Variants in F12 observed in about 807,000 individuals in gnomAD.
F12 encodes the protein Hageman factor.
A neutral mutation model predicts 74.8 loss-of-function variants in F12; 70 were observed. The observed-to-expected ratio is 0.94, with a 90% CI of 0.77 to 1.14. F12 has a LOEUF of 1.14. Ranked by LOEUF, F12 falls within the 50% of genes most tolerant of loss-of-function variation. The pLI is 0.00. For synonymous variants in F12, 373 were observed against 356.4 expected (o/e 1.05, Z -0.52); for missense variants, 811 against 835.7 (o/e 0.97, Z 0.36).
rs1056024847 is a variant in F12 at position 177,403,299 on chromosome 5, C to T, written c.1486G>A (p.Glu496Lys). Residue 496 changes from glutamate (E) to lysine (K), a missense_variant, in exon 12 of 14, where the codon GAG (glutamate) becomes AAG (lysine). Coordinates refer to ENST00000253496, the MANE Select transcript of F12 (RefSeq NM_000505.4). ...CCGGCCACCTGGCAGAGCGTGGTCT[C>T]GGAGGGTCGCGCGGCGCCGCTTGGC... ...CLPSGAARPS[E>K]TTLCQVAGWG... The T allele has an allele frequency of 6.3e-7, 1 of 1,599,882 alleles. No individual in the cohort carries two copies. Among genetic ancestry groups the T allele is most frequent in the Non-Finnish European group, 8.5e-7 (1 of 1,179,832 alleles).
At chr5:177,405,826 T>G (rs1375567046) in intron 3 of F12, 21 bp from the exon 4 acceptor site, 2 of 1,613,772 alleles carry the variant, frequency 1.2e-6, no homozygotes, top group Non-Finnish European at 1.7e-6. Flanking sequence ...AGACAAGGCT[T>G]CCCTGCTCTA....
chr5:177,402,956 C>T (rs1024053909), intron 12 of F12: 3 of 674,470 alleles, frequency 4.4e-6, no homozygotes, highest in Non-Finnish European at 4.9e-6. Context: ...AACCTGGCTC[C>T]CACACTAGCC....
Position 177,405,045 on chromosome 5 carries a change from T to C in F12, c.529+9A>G. The stretch of plus-strand genomic sequence containing the variant: ...CTCCTCCCTGGCCCGTTCCCAACCA[T>C]CTGCTCACCCTGGCTGGCCAGCCGC... On this transcript the variant is annotated intron_variant, in intron 6 of 13. Coordinates refer to ENST00000253496, the MANE Select transcript of F12 (RefSeq NM_000505.4). 1 of 1,611,466 alleles carries C rather than the reference T, an allele frequency of 6.2e-7. No homozygotes were observed. Among genetic ancestry groups the C allele is most frequent in the Non-Finnish European group, 8.5e-7 (1 of 1,179,872 alleles).
intron 12 of F12, 68 bp from the exon 13 acceptor site, chr5:177,402,766 C>T: frequency 6.3e-7 from 1 of 1,585,848 alleles, no homozygotes; most frequent in Non-Finnish European, 8.6e-7. Context: ...ATGGACAAAG[C>T]TGCTCCAGGC....
chr5:177,403,584 G>A lies in F12; in HGVS notation c.1284C>T (p.Gly428=), dbSNP rs1348644874. ...PAPEDLTVVL[G]QERRNHSCEP... is the part of the protein sequence containing the mutation. ...CACAGCTGTGGTTACGGCGTTCCTG[G>A]CCGAGCACCACCGTCAGATCCTCGG... Residue 428 remains glycine, a synonymous_variant, in exon 11 of 14, where the codon GGC becomes GGT. Transcript: ENST00000253496. 5.0e-6 allele frequency: 8 copies of A among 1,605,372 alleles called. No individual in the cohort carries two copies. The highest frequency in any genetic ancestry group is 6.8e-6 in the Non-Finnish European group (8 of 1,178,898).
chr5:177,409,183 C>T (rs1763351479), intron 1 of F12, 80 bp from the exon 2 acceptor site: 2 of 1,406,570 alleles, frequency 1.4e-6, no homozygotes, highest in East Asian at 5.0e-5. Flanking sequence ...GCAGCTTCCT[C>T]TCACAGCCCA....
chr5:177,406,164 G>T, intron 2 of F12, 103 bp from the exon 3 acceptor site: 1 of 1,082,556 alleles, frequency 9.2e-7, no homozygotes, highest in Non-Finnish European at 1.4e-6. Context: ...CAAAAAGGTC[G>T]CTGTGCATTG....
At position 177,403,605 on chromosome 5, in the gene F12, C is replaced by A. The variant is rs889525217; in HGVS notation, c.1263G>T (p.Glu421Asp). The part of the protein sequence containing the change: ...AHCLQDRPAP[E>D]DLTVVLGQER... ...CCTGGCCGAGCACCACCGTCAGATCCTCGGGTGCGGGCCTGCGGGGGGGGT... is the reference window on the plus strand; with the variant it reads ...CCTGGCCGAGCACCACCGTCAGATCATCGGGTGCGGGCCTGCGGGGGGGGT... Residue 421 changes from glutamate to aspartate, a missense_variant, in exon 11 of 14, where the codon GAG becomes GAT. Glu to Asp is a conservative substitution (Grantham distance 45). Transcript: ENST00000253496. 5 of 1,605,416 alleles carry A rather than the reference C, an allele frequency of 3.1e-6. No individual in the cohort carries two copies. The African/African-American group carries it at 5.3e-5, about 17-fold the overall frequency.
intron 7 of F12, 58 bp downstream of exon 7, chr5:177,404,752 C>T: frequency 6.3e-7 from 1 of 1,591,114 alleles, no homozygotes; most frequent in Non-Finnish European, 8.6e-7. Flanking sequence ...CTCCTCCTTC[C>T]TGGCAAGCCC....
In F12 at chr5:177,409,484, TCCAA is replaced by T; in HGVS notation, c.40_43del (p.Leu14SerfsTer80). The T allele has an allele frequency of 6.2e-7, 1 of 1,613,896 alleles. No homozygotes were observed. The highest frequency in any genetic ancestry group is 1.3e-5 in the African/African-American group (1 of 74,948). The stretch of plus-strand genomic sequence containing the variant: ...CACAGCACTCACCGAAAGTGTTGAC[TCCAA>T]GCTCACCAGCAGGAACCCCAGGAGC... On this transcript the variant is annotated frameshift_variant, in exon 1 of 14. Coordinates refer to ENST00000253496, the MANE Select transcript of F12 (RefSeq NM_000505.4). LOFTEE classifies it high-confidence loss of function.
rs769517704 is a variant in F12, at chr5:177,405,412, G to C, written c.308C>G (p.Pro103Arg). 6.2e-7 allele frequency: 1 copy of C among 1,613,888 alleles called. No individual in the cohort carries two copies. The highest frequency in any genetic ancestry group is 8.5e-7 in the Non-Finnish European group (1 of 1,179,940). Residue 103 changes from proline (P) to arginine (R), a missense_variant, in exon 5 of 14, where the codon CCC becomes CGC. By Grantham distance (103) the Pro-to-Arg change is moderately radical. Transcript: ENST00000253496. ...KVKDHCSKHS[P>R]CQKGGTCVNM... Reference sequence around the variant, plus strand: ...CACACAGGTCCCTCCTTTCTGGCAGGGGCTGTGTTTGCTGCAGTGGTCTGA... The same window carrying C: ...CACACAGGTCCCTCCTTTCTGGCAGCGGCTGTGTTTGCTGCAGTGGTCTGA...
Position 177,409,050 on chromosome 5 carries a change from T to C in F12, c.111A>G (p.Thr37=). Residue 37 remains threonine (T), a synonymous_variant, in exon 2 of 14, where the codon ACA becomes ACG. Coordinates refer to ENST00000253496, the MANE Select transcript of F12 (RefSeq NM_000505.4). ...AGGAGGAGCCAGGCCACTTACCGAC[T>C]GTGTGCTCTTCAGCTTTGTACTTAT... ...KEHKYKAEEH[T]VVLTVTGEPC... is the part of the protein sequence containing the mutation. 20 of 1,551,436 alleles carry C rather than the reference T, an allele frequency of 1.3e-5. No homozygotes were observed. Among genetic ancestry groups the C allele is most frequent in the Non-Finnish European group, 1.7e-5 (19 of 1,147,012 alleles).
At position 177,403,213 on chromosome 5, in the gene F12, A is replaced by C. The variant is rs1289195371; in HGVS notation, c.1531+41T>G. 5 of 1,597,872 alleles carry C rather than the reference A, an allele frequency of 3.1e-6. No homozygotes were observed. The African/African-American group carries it at 6.7e-5, about 21-fold the overall frequency. On this transcript the variant is annotated intron_variant, in intron 12 of 13. Transcript: ENST00000253496. ...TTCTTCCGCCTAACCCAGTGATCAA[A>C]GGTCTCCTCCCCTACCCCTGCCCCT...
In F12 at chr5:177,402,362, C is replaced by G. The variant is rs375101670; in HGVS notation, c.1778G>C (p.Arg593Pro). ...ATCGGTGTAGACGCCTGGCTTGTTG[C>G]GGTCACCACAGCCCGATCCCCAGCT... ...IISWGSGCGD[R>P]NKPGVYTDVA... is the part of the protein sequence containing the mutation. The change falls in exon 14 of 14, where the codon CGC becomes CCC. Residue 593 changes from arginine to proline, a missense_variant. Arg to Pro is a moderately radical substitution (Grantham distance 103). Transcript: ENST00000253496. The G allele has an allele frequency of 1.1e-4, 178 of 1,613,536 alleles. No individual in the cohort carries two copies. Among genetic ancestry groups the G allele is most frequent in the Non-Finnish European group, 1.4e-4 (167 of 1,179,954 alleles).
chr5:177,408,905 C>G (rs1763346328), intron 2 of F12, 141 bp downstream of exon 2: 2 of 831,036 alleles, frequency 2.4e-6, no homozygotes, highest in Admixed American at 4.0e-5. Context: ...AAGGATCACA[C>G]AGCTCACGAT....
intron 2 of F12, among the ~76,000 whole-genome samples, chr5:177,407,545 G>T (rs1355095914): frequency 6.6e-6 from 1 of 152,200 alleles, no homozygotes; most frequent in Admixed American, 6.5e-5. Flanking sequence ...AGCACTTTGG[G>T]AGGCTAAGGT....
At chr5:177,403,697 C>A (rs2127359564) in intron 10 of F12, 80 bp from the exon 11 acceptor site, 2 of 1,554,008 alleles carry the variant, frequency 1.3e-6, no homozygotes, top group Non-Finnish European at 1.7e-6. Context: ...TCCCGAACCC[C>A]AATCCCGTGT....
intron 1 of F12, 54 bp from the exon 2 acceptor site, chr5:177,409,157 G>T: frequency 6.6e-7 from 1 of 1,512,692 alleles, no homozygotes; most frequent in Non-Finnish European, 9.0e-7. Context: ...GCCTGCCACC[G>T]ATCTGTTGCT....
chr5:177,403,362 A>G lies in F12; in HGVS notation c.1423T>C (p.Cys475Arg). 2 of 1,598,878 alleles carry G rather than the reference A, an allele frequency of 1.3e-6. No homozygotes were observed. The highest frequency in any genetic ancestry group is 1.7e-6 in the Non-Finnish European group (2 of 1,179,532). The change falls in exon 12 of 14, where the codon TGC (cysteine) becomes CGC (arginine). Residue 475 changes from cysteine to arginine, a missense_variant. Cys to Arg is a radical substitution (Grantham distance 180). Transcript: ENST00000253496. ...TGAACGTAAGGCGACAGGAGCGCGC[A>G]GCTGCCGTCCGCATCCTCCTGAAGG... ...LRLQEDADGS[C>R]ALLSPYVQPV... is the part of the protein sequence containing the mutation.
Sources: allele counts gnomAD v4.1 joint callset (sites outside exome capture counted in the v4.1 genomes callset), GRCh38; gene constraint gnomAD v4.1.1; transcripts MANE v1.5; gene names NCBI Gene and HGNC (gene_info 2026-07-23, HGNC 2026-07-21).